DLG1: variants seen among roughly 807,000 people sequenced by gnomAD.
DLG1 encodes disks large homolog 1.
A neutral mutation model predicts 123.4 loss-of-function variants in DLG1; 42 were observed. The observed-to-expected ratio is 0.34, with a 90% confidence interval of 0.27 to 0.44. The LOEUF is 0.44. Ranked by LOEUF, DLG1 falls within the 20% of genes least tolerant of loss-of-function variation. The probability of loss-of-function intolerance (pLI) is 1.00; values close to 1 mark genes in which losing one functional copy is unlikely to be tolerated. For synonymous variants in DLG1, 317 were observed against 356.2 expected (o/e 0.89, Z 1.24); for missense variants, 942 against 1,082.6 (o/e 0.87, Z 1.82).
intron 5 of DLG1, among the ~76,000 whole-genome samples, chr3:197,186,503 T>C (rs1483073048): frequency 1.3e-5 from 2 of 152,232 alleles, no homozygotes; most frequent in Non-Finnish European, 2.9e-5. Flanking sequence ...TATAGAATTC[T>C]AGCCTAAACA....
chr3:197,057,579 C>T (rs145085117), intron 23 of DLG1, among the ~76,000 whole-genome samples: 2,089 of 152,140 alleles, frequency 0.014, 30 homozygotes, highest in Non-Finnish European at 0.017. Context: ...AACACTGTTA[C>T]GAGTTTCAGT....
intron 5 of DLG1, among the ~76,000 whole-genome samples, chr3:197,158,164 G>T (rs1300141251): frequency 6.6e-6 from 1 of 151,980 alleles, no homozygotes; most frequent in East Asian, 1.9e-4. Context: ...ACACACACAT[G>T]GACAATAAGC....
chr3:197,237,130 A>T (rs1470401177), intron 4 of DLG1, among the ~76,000 whole-genome samples: 1 of 152,196 alleles, frequency 6.6e-6, no homozygotes, highest in African/African-American at 2.4e-5. Flanking sequence ...TTTAAAGACA[A>T]TGAGGGCTTC....
intron 4 of DLG1, among the ~76,000 whole-genome samples, chr3:197,213,475 T>C (rs1050236882): frequency 3.3e-5 from 5 of 152,216 alleles, no homozygotes; most frequent in Non-Finnish European, 7.3e-5. Context: ...ATCTCAACTA[T>C]GGAAATGGTT....
intron 23 of DLG1, among the ~76,000 whole-genome samples, chr3:197,058,897 T>G (rs1733798941): frequency 6.6e-6 from 1 of 152,246 alleles, no homozygotes; most frequent in Non-Finnish European, 1.5e-5. Context: ...ATCTTCCTGT[T>G]GGAGTGAATA....
chr3:197,183,815 AGC>A, intron 5 of DLG1: 1 of 1,547,914 alleles, frequency 6.5e-7, no homozygotes, highest in Non-Finnish European at 8.7e-7. Flanking sequence ...TCATCTCTGC[AGC>A]CCTGCAGGTG....
intron 12 of DLG1, among the ~76,000 whole-genome samples, chr3:197,119,041 C>A (rs1182428085): frequency 6.6e-6 from 1 of 151,966 alleles, no homozygotes; most frequent in African/African-American, 2.4e-5. Context: ...GAATTCTGAA[C>A]ACAAATCAAA....
chr3:197,053,628 A>C (rs1007700777), intron 23 of DLG1, among the ~76,000 whole-genome samples: 3 of 151,874 alleles, frequency 2.0e-5, no homozygotes, highest in African/African-American at 7.3e-5. Flanking sequence ...AAAAATTAGC[A>C]GGGCACAGTG....
At position 197,249,268 on chromosome 3, in the gene DLG1, G is replaced by A. The variant is rs531881797; in HGVS notation, c.318+33411C>T. Among the ~76,000 whole-genome samples, 75 of 151,962 alleles carry A rather than the reference G, an allele frequency of 4.9e-4. No individual in the cohort carries two copies. In the South Asian group the frequency reaches 0.015, roughly 31 times the overall value. ...CAAAAAAATCATTACAGACTATTAT[G>A]AACAACTATATGCCAACAAATTTAA... On this transcript the variant is annotated intron_variant, in intron 4 of 24. Coordinates refer to ENST00000667157, the MANE Select transcript of DLG1 (RefSeq NM_001366207.1).
At chr3:197,047,901 C>T (rs1724490676) in intron 24 of DLG1, among the ~76,000 whole-genome samples, 1 of 151,404 alleles carries the variant, frequency 6.6e-6, no homozygotes, top group South Asian at 2.1e-4. Flanking sequence ...AATAAAAAAT[C>T]ATCAAGTGGG....
intron 22 of DLG1, among the ~76,000 whole-genome samples, chr3:197,064,472 C>T (rs557602799): frequency 3.3e-5 from 5 of 152,196 alleles, no homozygotes; most frequent in Non-Finnish European, 5.9e-5. Context: ...GGATTACAGG[C>T]GTGAGCCACC....
chr3:197,129,083 C>G (rs1781223633), intron 11 of DLG1, among the ~76,000 whole-genome samples: 1 of 152,246 alleles, frequency 6.6e-6, no homozygotes, highest in Non-Finnish European at 1.5e-5. Context: ...ACAAGAAAGT[C>G]AGCTTGTACT....
chr3:197,077,976 G>C (rs1300037973), intron 17 of DLG1, among the ~76,000 whole-genome samples: 1 of 151,956 alleles, frequency 6.6e-6, no homozygotes, highest in Non-Finnish European at 1.5e-5. Flanking sequence ...AGAACAGTGT[G>C]TTTTTGGCAT....
chr3:197,263,025 A>G (rs1267264643), intron 4 of DLG1, among the ~76,000 whole-genome samples: 1 of 149,588 alleles, frequency 6.7e-6, no homozygotes, highest in Non-Finnish European at 1.5e-5. Context: ...TAAAGCTCAT[A>G]TAAGGCTCAA....
Position 197,132,209 on chromosome 3 carries a change from C to CTA in DLG1, c.1021-1540_1021-1539dup, listed in dbSNP as rs573449963. 4.8e-3 allele frequency among the ~76,000 whole-genome samples: 727 copies of CTA among 151,818 alleles called. 4 individuals are homozygous for CTA. The highest frequency in any genetic ancestry group is 7.2e-3 in the Non-Finnish European group (489 of 67,952). On this transcript the variant is annotated intron_variant, in intron 10 of 24. Transcript: ENST00000667157. ...TGTCTTCTTACATCTTTTCTATTAC[C>CTA]TATTTCATTAATTTCTGCTCTAATC...
intron 12 of DLG1, among the ~76,000 whole-genome samples, chr3:197,117,388 G>A (rs2081634): frequency 0.39 from 60,040 of 152,034 alleles, 12,445 homozygotes; most frequent in East Asian, 0.74. Flanking sequence ...GCATGCCAGT[G>A]TTTATTATAG....
At chr3:197,245,195 G>A (rs1751027417) in intron 4 of DLG1, among the ~76,000 whole-genome samples, 1 of 152,078 alleles carries the variant, frequency 6.6e-6, no homozygotes, top group African/African-American at 2.4e-5. Flanking sequence ...TAATATCTGG[G>A]CTAGCTTTAT....
intron 4 of DLG1, among the ~76,000 whole-genome samples, chr3:197,267,450 T>C (rs1032740749): frequency 3.3e-5 from 5 of 152,210 alleles, no homozygotes; most frequent in Non-Finnish European, 5.9e-5. Flanking sequence ...CTTGTAAATA[T>C]AATATGTTCA....
chr3:197,099,019 T>C (rs1412119148), intron 14 of DLG1, among the ~76,000 whole-genome samples: 1 of 152,214 alleles, frequency 6.6e-6, no homozygotes, highest in Non-Finnish European at 1.5e-5. Context: ...ATTTTACCTA[T>C]CCTGTGTATA....
Sources: allele counts gnomAD v4.1 joint callset (sites outside exome capture counted in the v4.1 genomes callset), GRCh38; gene constraint gnomAD v4.1.1; transcripts MANE v1.5; gene names NCBI Gene and HGNC (gene_info 2026-07-23, HGNC 2026-07-21).